The following TCEA3 variants were observed in gnomAD, a reference collection of about 807,000 sequenced individuals.
TCEA3 encodes transcription elongation factor A3, also known as transcription elongation factor A protein 3.
Under a neutral mutation model 44.0 loss-of-function variants are expected in TCEA3, and 36 were observed. That is an observed-to-expected ratio of 0.82 (90% confidence interval 0.63 to 1.08). TCEA3 has a LOEUF of 1.08. Among genes scored for constraint, TCEA3 ranks in the 50% least tolerant of loss-of-function variants. The pLI is 0.00. For synonymous variants in TCEA3, 162 were observed against 159.7 expected, an observed-to-expected ratio of 1.01 and a Z score of -0.11; for missense variants, 392 against 441.2, an observed-to-expected ratio of 0.89 and a Z score of 1.00.
At chr1:23,417,771 G>T in intron 3 of TCEA3, 133 bp downstream of exon 3, 1 of 806,452 alleles carries the variant, frequency 1.2e-6, no homozygotes, top group Non-Finnish European at 2.0e-6. Context: ...GCTACCTCCC[G>T]GATCCAGAGG....
intron 1 of TCEA3, among the ~76,000 whole-genome samples, chr1:23,420,741 A>G (rs1200806584): frequency 6.6e-6 from 1 of 152,180 alleles, no homozygotes; most frequent in Non-Finnish European, 1.5e-5. Context: ...GTGCTCCCTG[A>G]GTGGATGAAC....
Position 23,408,662 on chromosome 1 carries a change from A to G in TCEA3, c.443+2T>C. ...GATGGAGAAAGCTGTGGTTTCCTTT[A>G]CCTTTCCACCGATGGTCTTTTTGGA... On this transcript the variant is annotated splice_donor_variant, in intron 5 of 10. Transcript: ENST00000450454. LOFTEE classifies it high-confidence loss of function. The G allele has an allele frequency of 6.2e-7, 1 of 1,610,664 alleles. No homozygotes were observed. Among genetic ancestry groups the G allele is most frequent in the Non-Finnish European group, 8.5e-7 (1 of 1,178,628 alleles).
chr1:23,408,610 G>C, intron 5 of TCEA3, 54 bp downstream of exon 5: 3 of 1,558,534 alleles, frequency 1.9e-6, no homozygotes, highest in Non-Finnish European at 2.6e-6. Flanking sequence ...AAACAGAGAA[G>C]GGGACACAGG....
intron 8 of TCEA3, 106 bp downstream of exon 8, chr1:23,393,773 G>T (rs1053889253): frequency 1.4e-6 from 2 of 1,439,586 alleles, no homozygotes; most frequent in Non-Finnish European, 1.8e-6. Context: ...GGTTTGAAAA[G>T]CTCCCTGGCT....
chr1:23,383,477 C>T lies in TCEA3; in HGVS notation c.1038+869G>A, dbSNP rs908892448. Reference sequence around the variant, plus strand: ...TATGCATACATGATAACCCTCATATCAAAATGATCCTCACATCATCAAACC... The same window carrying T: ...TATGCATACATGATAACCCTCATATTAAAATGATCCTCACATCATCAAACC... On this transcript the variant is annotated intron_variant, in intron 10 of 10. Coordinates refer to ENST00000450454, the MANE Select transcript of TCEA3 (RefSeq NM_003196.3). 48 of 916,122 alleles carry T rather than the reference C, an allele frequency of 5.2e-5. No homozygotes were observed. The Admixed American group carries it at 2.7e-3, about 51-fold the overall frequency. 56.7% of individuals were successfully genotyped at this position (916,122 alleles called of 1,614,324 possible). A position where few individuals can be genotyped will look rare whatever the true frequency, so the allele number is the denominator to read the frequency against.
chr1:23,393,452 TCA>T (rs1170167455), intron 8 of TCEA3, among the ~76,000 whole-genome samples: 1 of 151,784 alleles, frequency 6.6e-6, no homozygotes, highest in East Asian at 1.9e-4. Flanking sequence ...ACCTCACACA[TCA>T]TACGTACCAC....
intron 8 of TCEA3, among the ~76,000 whole-genome samples, chr1:23,388,933 T>C (rs1638935982): frequency 6.6e-6 from 1 of 152,140 alleles, no homozygotes; most frequent in African/African-American, 2.4e-5. Flanking sequence ...TCTGCCTACT[T>C]TGGACTCCCG....
chr1:23,382,594 G>A (rs1638697681), intron 10 of TCEA3, among the ~76,000 whole-genome samples: 4 of 152,240 alleles, frequency 2.6e-5, no homozygotes, highest in African/African-American at 7.2e-5. Context: ...GCATGAGGCT[G>A]TGCCGCCTGG....
intron 8 of TCEA3, among the ~76,000 whole-genome samples, chr1:23,391,493 C>T (rs774534675): frequency 6.6e-6 from 1 of 151,988 alleles, no homozygotes; most frequent in Non-Finnish European, 1.5e-5. Context: ...GATTAGTGCT[C>T]CTCTAATAGG....
At chr1:23,395,547 TG>T (rs1427690358) in intron 7 of TCEA3, among the ~76,000 whole-genome samples, 1 of 152,208 alleles carries the variant, frequency 6.6e-6, no homozygotes, top group African/African-American at 2.4e-5. Context: ...ACATTCAGGC[TG>T]GGGGTGGTGG....
chr1:23,397,494 G>T (rs1490801055), intron 7 of TCEA3, 51 bp downstream of exon 7: 5 of 1,568,938 alleles, frequency 3.2e-6, no homozygotes, highest in Non-Finnish European at 3.5e-6. Flanking sequence ...CCTTGGATGG[G>T]TGCTGCTAGA....
chr1:23,414,372 G>A (rs1193831781), intron 4 of TCEA3, among the ~76,000 whole-genome samples: 3 of 151,690 alleles, frequency 2.0e-5, no homozygotes, highest in African/African-American at 7.3e-5. Context: ...TTATAGGCAT[G>A]AGCCACCGTG....
intron 1 of TCEA3, among the ~76,000 whole-genome samples, chr1:23,421,993 T>G (rs144238675): frequency 6.6e-6 from 1 of 152,180 alleles, no homozygotes; most frequent in Non-Finnish European, 1.5e-5. Flanking sequence ...CAAATGTTGC[T>G]GGGTGTATCT....
intron 1 of TCEA3, among the ~76,000 whole-genome samples, chr1:23,421,390 A>G (rs1640061059): frequency 2.0e-5 from 3 of 152,200 alleles, no homozygotes; most frequent in Non-Finnish European, 1.5e-5. Context: ...TCTAACCACT[A>G]TACAAATTGT....
intron 8 of TCEA3, among the ~76,000 whole-genome samples, chr1:23,388,344 C>T (rs1638917689): frequency 6.6e-6 from 1 of 151,572 alleles, no homozygotes; most frequent in Non-Finnish European, 1.5e-5. Context: ...ACTACAGGCT[C>T]ATGCCACCAC....
At chr1:23,392,163 G>A (rs1280680680) in intron 8 of TCEA3, among the ~76,000 whole-genome samples, 1 of 152,122 alleles carries the variant, frequency 6.6e-6, no homozygotes, top group Non-Finnish European at 1.5e-5. Context: ...CTAAAGCCAA[G>A]GCTCTTTGCT....
chr1:23,387,229 C>T (rs755082607), intron 9 of TCEA3, 44 bp downstream of exon 9: 1 of 1,604,298 alleles, frequency 6.2e-7, no homozygotes, highest in African/African-American at 1.3e-5. Context: ...CTCTATGCCC[C>T]TGCGGCCTCC....
At chr1:23,402,182 A>G (rs1487111160) in intron 5 of TCEA3, among the ~76,000 whole-genome samples, 1 of 152,212 alleles carries the variant, frequency 6.6e-6, no homozygotes, top group African/African-American at 2.4e-5. Context: ...TGTACTAAAC[A>G]TATAAAAATT....
At chr1:23,395,292 T>C (rs1639182532) in intron 7 of TCEA3, among the ~76,000 whole-genome samples, 2 of 152,244 alleles carry the variant, frequency 1.3e-5, no homozygotes, top group African/African-American at 4.8e-5. Flanking sequence ...AGCCTCTTTC[T>C]GACTCTGTCT....
Sources: gnomAD v4.1 joint callset for allele counts (sites outside exome capture counted in the v4.1 genomes callset) on GRCh38, gnomAD v4.1.1 for gene constraint, MANE v1.5 for transcripts, NCBI Gene and HGNC (gene_info 2026-07-23, HGNC 2026-07-21) for gene names.